The following GOLGA5 variants were observed in gnomAD, a reference collection of about 807,000 sequenced individuals.
GOLGA5 encodes the protein golgin A5.
In GOLGA5, 50 loss-of-function variants were observed where a neutral mutation model predicts 93.5. The observed-to-expected ratio is 0.53, with a 90% CI of 0.43 to 0.68. The LOEUF (loss-of-function observed/expected upper bound fraction) is 0.68, where lower values mean the gene tolerates loss of function less well. Ranked by LOEUF, GOLGA5 falls within the 30% of genes least tolerant of loss-of-function variation. The pLI is 0.00. For missense variants in GOLGA5, 760 were observed against 856.4 expected (o/e 0.89, Z 1.40); for synonymous variants, 312 against 304.5 (o/e 1.02, Z -0.26).
intron 12 of GOLGA5, 27 bp from the exon 13 acceptor site, chr14:92,839,339 T>C: frequency 6.5e-7 from 1 of 1,547,694 alleles, no homozygotes; most frequent in Non-Finnish European, 8.9e-7. Context: ...TATTGGCTAA[T>C]CCACAAATTG....
intron 2 of GOLGA5, among the ~76,000 whole-genome samples, chr14:92,799,236 A>T (rs1014209363): frequency 1.3e-5 from 2 of 149,198 alleles, no homozygotes; most frequent in African/African-American, 5.0e-5. Flanking sequence ...CAGCATTGGG[A>T]TTATGGGCAT....
chr14:92,801,902 T>G (rs1176387181), intron 2 of GOLGA5, among the ~76,000 whole-genome samples: 2 of 152,296 alleles, frequency 1.3e-5, no homozygotes, highest in African/African-American at 4.8e-5. Flanking sequence ...TGTATCCTTG[T>G]GCCAGTGCCA....
In GOLGA5 at chr14:92,823,378, A is replaced by G. The variant is rs1455367100; in HGVS notation, c.1621-1168A>G. Among the ~76,000 whole-genome samples the G allele has an allele frequency of 2.0e-5, 3 of 146,492 alleles. No individual in the cohort carries two copies. The Admixed American group carries it at 2.1e-4, about 10-fold the overall frequency. Reference sequence around the variant, plus strand: ...TTTTATATGTTTTAATGTCTTTATGACCCGTTCTCCTTTTCAGAGCTTCTG... The same window carrying G: ...TTTTATATGTTTTAATGTCTTTATGGCCCGTTCTCCTTTTCAGAGCTTCTG... On this transcript the variant is annotated intron_variant, in intron 8 of 12. Transcript: ENST00000163416.
Position 92,809,341 on chromosome 14 carries a change from G to C in GOLGA5, c.814G>C (p.Asp272His), listed in dbSNP as rs1304992631. 1.9e-6 allele frequency: 3 copies of C among 1,613,246 alleles called. No individual in the cohort carries two copies. The African/African-American group carries it at 4.0e-5, about 22-fold the overall frequency. Residue 272 changes from aspartate (D) to histidine (H), a missense_variant, in exon 4 of 13, where the codon GAC (aspartate) becomes CAC (histidine). Physicochemically the swap from Asp to His is moderately conservative, Grantham distance 81. Transcript: ENST00000163416. The stretch of plus-strand genomic sequence containing the variant: ...AGCAAGAGTTGAAAAGTGGAATGCT[G>C]ACCATTCAAAGAGTGATCGAATGAC... Reference protein sequence around the residue: ...ARARVEKWNADHSKSDRMTRG... With the variant: ...ARARVEKWNAHHSKSDRMTRG...
rs145823736 is a variant in GOLGA5, at chr14:92,820,261, T to C, written c.1620+425T>C. ...GAAAACATGTGAGCAAAGGAATCTG[T>C]GTCACAAATAAGTTCAAGGGAAGGT... On this transcript the variant is annotated intron_variant, in intron 8 of 12. Coordinates refer to ENST00000163416, the MANE Select transcript of GOLGA5 (RefSeq NM_005113.4). Among the ~76,000 whole-genome samples, 339 of 152,220 alleles carry C rather than the reference T, an allele frequency of 2.2e-3. 3 individuals are homozygous for C. Among genetic ancestry groups the C allele is most frequent in the African/African-American group, 7.9e-3 (326 of 41,518 alleles).
intron 9 of GOLGA5, among the ~76,000 whole-genome samples, chr14:92,826,530 TATTGAAA>T (rs1885425254): frequency 6.6e-6 from 1 of 151,958 alleles, no homozygotes; most frequent in Admixed American, 6.6e-5. Context: ...ACCCTGTCTC[TATTGAAA>T]ATACAAAAAA....
intron 3 of GOLGA5, among the ~76,000 whole-genome samples, chr14:92,807,640 T>C (rs1047821069): frequency 6.6e-6 from 1 of 152,180 alleles, no homozygotes; most frequent in African/African-American, 2.4e-5. Context: ...GTTGCTGCTC[T>C]AGGGCATATA....
intron 2 of GOLGA5, among the ~76,000 whole-genome samples, chr14:92,799,121 C>T (rs1402738470): frequency 6.6e-6 from 1 of 151,932 alleles, no homozygotes; most frequent in African/African-American, 2.4e-5. Context: ...GTGCACACCA[C>T]TGTGCCCAGC....
intron 3 of GOLGA5, among the ~76,000 whole-genome samples, chr14:92,808,148 T>C (rs1311117381): frequency 6.6e-6 from 1 of 152,048 alleles, no homozygotes; most frequent in Non-Finnish European, 1.5e-5. Context: ...GGAGGAGAAT[T>C]GCCTGAACCC....
At chr14:92,809,105 A>G (rs1461869258) in intron 3 of GOLGA5, among the ~76,000 whole-genome samples, 195 bp from the exon 4 acceptor site, 1 of 152,158 alleles carries the variant, frequency 6.6e-6, no homozygotes, top group African/African-American at 2.4e-5. Flanking sequence ...TTTCTAATCA[A>G]TTAACTATAA....
chr14:92,808,352 T>G (rs1041538313), intron 3 of GOLGA5, among the ~76,000 whole-genome samples: 8 of 151,920 alleles, frequency 5.3e-5, no homozygotes, highest in African/African-American at 1.7e-4. Flanking sequence ...TAGAGCTGTT[T>G]GGCCAGGCAC....
chr14:92,798,895 C>G (rs8014736), intron 2 of GOLGA5, among the ~76,000 whole-genome samples: 122,895 of 152,212 alleles, frequency 0.81, 50,149 homozygotes, highest in African/African-American at 0.91. Flanking sequence ...CAGCCTGGGC[C>G]GTAGAATGAG....
chr14:92,812,121 T>A (rs772046860), intron 6 of GOLGA5, among the ~76,000 whole-genome samples: 1 of 152,158 alleles, frequency 6.6e-6, no homozygotes, highest in Non-Finnish European at 1.5e-5. Flanking sequence ...CTCACCCAGC[T>A]TTTTTTCCCC....
intron 8 of GOLGA5, among the ~76,000 whole-genome samples, chr14:92,821,595 T>C (rs369831285): frequency 6.6e-6 from 1 of 152,252 alleles, no homozygotes; most frequent in African/African-American, 2.4e-5. Context: ...ACTATTCTTA[T>C]AATTCTCAGT....
At chr14:92,794,816 C>G (rs569446622) in intron 1 of GOLGA5, among the ~76,000 whole-genome samples, 1 of 152,306 alleles carries the variant, frequency 6.6e-6, no homozygotes, top group South Asian at 2.1e-4. Context: ...CCTCCAGCCT[C>G]CCTCCCTCTG....
At chr14:92,830,673 C>T (rs950199370) in intron 9 of GOLGA5, among the ~76,000 whole-genome samples, 1 of 152,128 alleles carries the variant, frequency 6.6e-6, no homozygotes, top group African/African-American at 2.4e-5. Context: ...GATCACAGCT[C>T]ACTGCAGCCT....
intron 2 of GOLGA5, among the ~76,000 whole-genome samples, chr14:92,800,398 A>G (rs1884843052): frequency 6.6e-6 from 1 of 152,266 alleles, no homozygotes; most frequent in Admixed American, 6.5e-5. Flanking sequence ...CAGAGAGAAC[A>G]GACTCTAAGA....
rs1168673615 is a variant in GOLGA5 at position 92,811,469 on chromosome 14, A to G, written c.1117-82A>G. On this transcript the variant is annotated intron_variant, in intron 5 of 12. Transcript: ENST00000163416. ...TTGTTTGGCTGAGCTAATAAATCCCATAAGATATCCGAATGGATGGTTGTA... is the reference window on the plus strand; with the variant it reads ...TTGTTTGGCTGAGCTAATAAATCCCGTAAGATATCCGAATGGATGGTTGTA... 6 of 981,352 alleles carry G rather than the reference A, an allele frequency of 6.1e-6. No individual in the cohort carries two copies. The African/African-American group carries it at 8.1e-5, about 13-fold the overall frequency. 60.8% of individuals were successfully genotyped at this position (981,352 alleles called of 1,614,324 possible).
chr14:92,836,604 A>G (rs1176119204), intron 11 of GOLGA5, among the ~76,000 whole-genome samples: 2 of 151,158 alleles, frequency 1.3e-5, no homozygotes, highest in African/African-American at 2.5e-5. Flanking sequence ...CTTCCACACT[A>G]TTTATTCAAA....
Sources: gnomAD v4.1 joint callset for allele counts (sites outside exome capture counted in the v4.1 genomes callset) on GRCh38, gnomAD v4.1.1 for gene constraint, MANE v1.5 for transcripts, NCBI Gene and HGNC (gene_info 2026-07-23, HGNC 2026-07-21) for gene names.